Variants in CLASRP observed in about 807,000 individuals in gnomAD.
The protein encoded by CLASRP is CLK4-associating serine/arginine rich protein.
In CLASRP, 52 loss-of-function variants were observed where a neutral mutation model predicts 99.9. That is an observed-to-expected ratio of 0.52 (90% CI 0.42 to 0.66). The LOEUF (loss-of-function observed/expected upper bound fraction) is 0.66. CLASRP is among the 30% of genes least tolerant of loss of function. CLASRP has a pLI of 0.00. For missense variants in CLASRP, 848 were observed against 999.2 expected, an observed-to-expected ratio of 0.85 and a Z score of 2.04; for synonymous variants, 379 against 373.0, an observed-to-expected ratio of 1.02 and a Z score of -0.18.
intron 8 of CLASRP, among the ~76,000 whole-genome samples, chr19:45,059,810 GCCCAGAGC>G (rs1304271581): frequency 6.6e-6 from 1 of 152,182 alleles, no homozygotes; most frequent in Non-Finnish European, 1.5e-5. Flanking sequence ...GGCACCCTCT[GCCCAGAGC>G]CCTTTGTGGC....
Position 45,061,465 on chromosome 19 carries a change from C to T in CLASRP, c.864-689C>T, listed in dbSNP as rs74800719. On this transcript the variant is annotated intron_variant, in intron 10 of 20. Transcript: ENST00000221455. ...TCAGTTTCCTCAGCTGTGATAGTCT[C>T]TCTTTTTTTTTTCTTCCCCCAGAGA... is the stretch of plus-strand genomic sequence containing the variant. 5.7e-3 allele frequency among the ~76,000 whole-genome samples: 869 copies of T among 152,006 alleles called. 25 individuals are homozygous for T. The highest frequency in any genetic ancestry group is 0.012 in the East Asian group (61 of 5,138).
At position 45,067,482 on chromosome 19, in the gene CLASRP, A is replaced by G. The variant is rs1322043723; in HGVS notation, c.1555A>G (p.Ser519Gly). ...CAGCCGCAGCCATAGCCCCAGCCCC[A>G]GCCAGAGCCGCAGCCGCAGCCGCAG... ...TRSRSHSPSPSQSRSRSRSRS... is the reference protein window; with the variant it reads ...TRSRSHSPSPGQSRSRSRSRS... Residue 519 changes from serine to glycine, a missense_variant, in exon 14 of 21, where the codon AGC (serine) becomes GGC (glycine). Physicochemically the swap from Ser to Gly is moderately conservative, Grantham distance 56 (BLOSUM62 0). Transcript: ENST00000221455. This position sits in a 1 kb window ranked among gnomAD's most constrained non-coding sequence, Gnocchi z 4.9. The G allele has an allele frequency of 6.4e-7, 1 of 1,569,032 alleles. No homozygotes were observed. Among genetic ancestry groups the G allele is most frequent in the Admixed American group, 1.8e-5 (1 of 54,842 alleles).
intron 1 of CLASRP, chr19:45,039,920 C>T (rs762422424): frequency 3.8e-6 from 1 of 260,374 alleles, no homozygotes; most frequent in Non-Finnish European, 7.7e-6. Context: ...GACTCCAGCG[C>T]GTGGAATCTA....
At chr19:45,044,662 G>T (rs1191885445) in intron 2 of CLASRP, among the ~76,000 whole-genome samples, 1 of 152,144 alleles carries the variant, frequency 6.6e-6, no homozygotes, top group Admixed American at 6.6e-5. Context: ...CCAGCTACTT[G>T]GGAGGCTGAG....
intron 16 of CLASRP, among the ~76,000 whole-genome samples, 160 bp from the exon 17 acceptor site, chr19:45,068,906 C>T (rs1013839976): frequency 1.3e-4 from 19 of 151,458 alleles, no homozygotes; most frequent in South Asian, 6.2e-4. Context: ...CAGGAGATGG[C>T]GCGAACCCGG....
chr19:45,067,950 G>A lies in CLASRP; in HGVS notation c.1668-65G>A. The A allele has an allele frequency of 8.3e-7, 1 of 1,207,394 alleles. No individual in the cohort carries two copies. The highest frequency in any genetic ancestry group is 1.2e-6 in the Non-Finnish European group (1 of 809,842). The allele number at this position is 1,207,394 out of a possible 1,614,324, so 74.8% of individuals were successfully genotyped here. A position where few individuals can be genotyped will look rare whatever the true frequency, so the allele number is the denominator to read the frequency against. ...TGGTCTGAGGGCAGTGCTGAGGCTG[G>A]GGTCAGAGGTGGCAGCTGCCCTTTC... is the stretch of plus-strand genomic sequence containing the variant. On this transcript the variant is annotated intron_variant, in intron 14 of 20. Transcript: ENST00000221455. The surrounding 1 kb of genome is among the most constrained non-coding windows in gnomAD (Gnocchi z 4.9).
intron 5 of CLASRP, among the ~76,000 whole-genome samples, chr19:45,053,879 C>G (rs1403651365): frequency 3.3e-5 from 5 of 152,154 alleles, no homozygotes; most frequent in Non-Finnish European, 5.9e-5. Flanking sequence ...CCTTGGCCTC[C>G]CAAATTGCTG....
At position 45,068,045 on chromosome 19, in the gene CLASRP, A is replaced by G. The variant is rs747273050; in HGVS notation, c.1698A>G (p.Gly566=). 6.2e-7 allele frequency: 1 copy of G among 1,613,908 alleles called. No individual in the cohort carries two copies. ...KTEPAAGKET[G]AAKPKLTPQE... The stretch of plus-strand genomic sequence containing the variant: ...AACCTGCCGCTGGTAAAGAGACAGG[A>G]GCTGCCAAAGTCAGTAAGAATTTGG... Residue 566 remains glycine, a synonymous_variant, in exon 15 of 21, where the codon GGA becomes GGG. Transcript: ENST00000221455.
chr19:45,060,161 A>G lies in CLASRP; in HGVS notation c.711-228A>G, dbSNP rs1966906841. On this transcript the variant is annotated intron_variant, in intron 8 of 20. Coordinates refer to ENST00000221455, the MANE Select transcript of CLASRP (RefSeq NM_007056.3). This position sits in a 1 kb window ranked among gnomAD's most constrained non-coding sequence, Gnocchi z 4.6. ...TCATTATCTTCTCCCCTAGAATGTAAGCCCGTGCAGGTGAGGATTTCTGTT... is the reference window on the plus strand; with the variant it reads ...TCATTATCTTCTCCCCTAGAATGTAGGCCCGTGCAGGTGAGGATTTCTGTT... Among the ~76,000 whole-genome samples, 1 of 150,658 alleles carries G rather than the reference A, an allele frequency of 6.6e-6. No individual in the cohort carries two copies. Among genetic ancestry groups the G allele is most frequent in the South Asian group, 2.1e-4 (1 of 4,802 alleles).
chr19:45,041,227 C>CA (rs397945551), intron 2 of CLASRP, among the ~76,000 whole-genome samples: 6,576 of 59,450 alleles, frequency 0.11, 342 homozygotes, highest in African/African-American at 0.23. Context: ...GACTCTGTCT[C>CA]AAAAAAAAAA....
At chr19:45,058,198 C>T in intron 7 of CLASRP, 2 of 410,486 alleles carry the variant, frequency 4.9e-6, no homozygotes, top group South Asian at 5.5e-5. Flanking sequence ...CCCCTCTCTC[C>T]TGCTCTCTTC....
rs1966886548 is a variant in CLASRP at position 45,059,256 on chromosome 19, C to G, written c.614-12C>G. On this transcript the variant is annotated splice_polypyrimidine_tract_variant and intron_variant, in intron 7 of 20. Transcript: ENST00000221455. ...TCGGCCGTGGCTCCTGACAGCCTTT[C>G]TCTTGGTGCAGACGTGGAGGTGGAC... 1.9e-6 allele frequency: 3 copies of G among 1,605,504 alleles called. No individual in the cohort carries two copies. Among genetic ancestry groups the G allele is most frequent in the Non-Finnish European group, 2.6e-6 (3 of 1,175,736 alleles).
At position 45,068,487 on chromosome 19, in the gene CLASRP, T is replaced by C. The variant is rs775349762; in HGVS notation, c.1768+7T>C. The C allele has an allele frequency of 1.9e-6, 3 of 1,604,342 alleles. No individual in the cohort carries two copies. The South Asian group carries it at 3.3e-5, about 18-fold the overall frequency. ...AAGGCGCTGAACAGGCAGTGTATGTTCTGCCCTGTCCCTCCAGGGTTTCAC... is the reference window on the plus strand; with the variant it reads ...AAGGCGCTGAACAGGCAGTGTATGTCCTGCCCTGTCCCTCCAGGGTTTCAC... On this transcript the variant is annotated splice_region_variant and intron_variant, in intron 16 of 20. Transcript: ENST00000221455.
intron 2 of CLASRP, 33 bp from the exon 3 acceptor site, chr19:45,052,038 G>T (rs767612915): frequency 6.4e-7 from 1 of 1,568,836 alleles, no homozygotes; most frequent in South Asian, 1.1e-5. Flanking sequence ...GAGCTCTGTT[G>T]GGTGGTGACC....
At chr19:45,068,911 A>AC (rs1568423409) in intron 16 of CLASRP, among the ~76,000 whole-genome samples, 155 bp from the exon 17 acceptor site, 1 of 150,440 alleles carries the variant, frequency 6.6e-6, no homozygotes, top group Non-Finnish European at 1.5e-5. Flanking sequence ...GATGGCGCGA[A>AC]CCCGGGGGGC....
In CLASRP at chr19:45,070,735, A is replaced by G. The variant is rs543820083; in HGVS notation, c.1983-68A>G. 17 of 1,412,872 alleles carry G rather than the reference A, an allele frequency of 1.2e-5. No individual in the cohort carries two copies. The African/African-American group carries it at 1.4e-4, about 12-fold the overall frequency. 87.5% of individuals were successfully genotyped at this position (1,412,872 alleles called of 1,614,324 possible). A position where few individuals can be genotyped will look rare whatever the true frequency, so the allele number is the denominator to read the frequency against. ...AGACAAGTGCCCCGATCACTGAAGC[A>G]TCCACGGCCCCAGGTGTGTTGATGT... is the stretch of plus-strand genomic sequence containing the variant. On this transcript the variant is annotated intron_variant, in intron 20 of 20. Coordinates refer to ENST00000221455, the MANE Select transcript of CLASRP (RefSeq NM_007056.3).
At position 45,065,030 on chromosome 19, in the gene CLASRP, C is replaced by T. The variant is rs1311979658; in HGVS notation, c.1409+400C>T. Among the ~76,000 whole-genome samples, 3 of 151,138 alleles carry T rather than the reference C, an allele frequency of 2.0e-5. No homozygotes were observed. The East Asian group carries it at 5.9e-4, about 30-fold the overall frequency. Reference sequence around the variant, plus strand: ...GCCTTGAGGGCTGGGAAACCCCTTGCGGAGGGGGAGGGGCGCGTTCCTGTG... The same window carrying T: ...GCCTTGAGGGCTGGGAAACCCCTTGTGGAGGGGGAGGGGCGCGTTCCTGTG... On this transcript the variant is annotated intron_variant, in intron 13 of 20. Transcript: ENST00000221455.
At chr19:45,061,602 G>A (rs1279540824) in intron 10 of CLASRP, among the ~76,000 whole-genome samples, 1 of 152,092 alleles carries the variant, frequency 6.6e-6, no homozygotes, top group Non-Finnish European at 1.5e-5. Context: ...CTTAGTAGCT[G>A]AGATTACTGG....
rs1473388113 is a variant in CLASRP, at chr19:45,040,193, C to T, written c.-20C>T. The stretch of plus-strand genomic sequence containing the variant: ...TCCCTTCATCCCTCAGGTTGAGGCC[C>T]CAGGCTTGGCCTCACCACAATGTGG... On this transcript the variant is annotated 5_prime_UTR_variant, in exon 2 of 21. Transcript: ENST00000221455. 6.3e-7 allele frequency: 1 copy of T among 1,584,770 alleles called. No individual in the cohort carries two copies. The highest frequency in any genetic ancestry group is 8.6e-7 in the Non-Finnish European group (1 of 1,163,794).
Sources: gnomAD v4.1 joint callset for allele counts (sites outside exome capture counted in the v4.1 genomes callset) on GRCh38, gnomAD v4.1.1 for gene constraint, Gnocchi (gnomAD v3.1) non-coding constraint, MANE v1.5 for transcripts, NCBI Gene and HGNC (gene_info 2026-07-23, HGNC 2026-07-21) for gene names.